BCCIP: variants seen among roughly 807,000 people sequenced by gnomAD.
BCCIP encodes BRCA2 and CDKN1A-interacting protein.
A neutral mutation model predicts 32.8 loss-of-function variants in BCCIP; 23 were observed. The observed-to-expected ratio is 0.70, with a 90% CI of 0.51 to 0.99. The LOEUF (loss-of-function observed/expected upper bound fraction) is 0.99, where lower values mean the gene tolerates loss of function less well. Among genes scored for constraint, BCCIP ranks in the 50% least tolerant of loss-of-function variants. The probability of loss-of-function intolerance (pLI) is 0.00; values close to 1 mark genes in which losing one functional copy is unlikely to be tolerated. For synonymous variants in BCCIP, 144 were observed against 137.6 expected (o/e 1.05, Z -0.33); for missense variants, 378 against 379.8 (o/e 1.00, Z 0.04).
chr10:125,848,423 A>G (rs2134038269), intron 7 of BCCIP, among the ~76,000 whole-genome samples: 1 of 152,350 alleles, frequency 6.6e-6, no homozygotes, highest in South Asian at 2.1e-4. Context: ...ACTCTACCCT[A>G]ATTTTACAGA....
chr10:125,825,091 C>T (rs1854350944), intron 1 of BCCIP, among the ~76,000 whole-genome samples: 1 of 152,222 alleles, frequency 6.6e-6, no homozygotes, highest in African/African-American at 2.4e-5. Context: ...TCTTTTATTA[C>T]TTTTGGGTTA....
downstream of BCCIP, among the ~76,000 whole-genome samples, chr10:125,838,843 T>A (rs955969706): frequency 2.6e-5 from 4 of 152,204 alleles, no homozygotes; most frequent in Non-Finnish European, 4.4e-5. Flanking sequence ...TTTATTCCCT[T>A]GAGGGGAAGG....
chr10:125,827,529 A>G, intron 2 of BCCIP, 29 bp from the exon 3 acceptor site: 1 of 1,417,918 alleles, frequency 7.1e-7, no homozygotes. Context: ...CTTTGATCTT[A>G]ATTTAAAATA....
At chr10:125,841,695 C>T (rs774237813) in exon 7 of BCCIP, 2 of 1,587,656 alleles carry the variant, frequency 1.3e-6, no homozygotes, top group Non-Finnish European at 8.5e-7. Context: ...TAAATCTATA[C>T]CTAGTGCAGA....
chr10:125,835,099 C>T (rs528804354), intron 6 of BCCIP, among the ~76,000 whole-genome samples: 1 of 151,694 alleles, frequency 6.6e-6, no homozygotes, highest in Non-Finnish European at 1.5e-5. Context: ...CGCCACTGCA[C>T]TCCAGCCTGG....
chr10:125,849,038 A>C (rs1280218772), intron 7 of BCCIP, among the ~76,000 whole-genome samples: 5 of 152,172 alleles, frequency 3.3e-5, no homozygotes, highest in Admixed American at 3.3e-4. Flanking sequence ...CATCTACCCC[A>C]GTTTACCCAG....
intron 1 of BCCIP, 63 bp downstream of exon 1, chr10:125,823,785 CTG>C (rs1854254544): frequency 2.5e-6 from 4 of 1,589,750 alleles, no homozygotes; most frequent in Non-Finnish European, 3.4e-6. Flanking sequence ...CAAGCCCAGG[CTG>C]TGTAAAAATA....
Position 125,831,569 on chromosome 10 carries a change from C to T in BCCIP, c.561C>T (p.Val187=). 6.2e-7 allele frequency: 1 copy of T among 1,614,160 alleles called. No homozygotes were observed. ...GLLLSERFIN[V]PPQIALPMYQ... is the part of the protein sequence containing the mutation. The stretch of plus-strand genomic sequence containing the variant: ...TCCTAAGTGAAAGATTCATTAATGT[C>T]CCTCCACAGATCGCTCTGCCCATGT... The change falls in exon 5 of 7, where the codon GTC becomes GTT. Residue 187 remains valine (V), a synonymous_variant. Transcript: ENST00000278100.
intron 7 of BCCIP, among the ~76,000 whole-genome samples, chr10:125,849,187 G>C (rs1218230097): frequency 6.6e-6 from 1 of 152,144 alleles, no homozygotes; most frequent in South Asian, 2.1e-4. Context: ...TTAAATTGCT[G>C]TTTTGTTTTG....
intron 5 of BCCIP, 90 bp downstream of exon 5, chr10:125,831,697 A>T: frequency 7.7e-7 from 1 of 1,307,006 alleles, no homozygotes; most frequent in Non-Finnish European, 1.1e-6. Context: ...GTAGATATAG[A>T]AAGAGTTCTG....
chr10:125,852,445 A>G (rs1267004398), intron 7 of BCCIP: 1 of 1,613,810 alleles, frequency 6.2e-7, no homozygotes, highest in Non-Finnish European at 8.5e-7. Flanking sequence ...CAGGCAGAAA[A>G]ATTTTCCTAA....
chr10:125,846,294 C>T (rs970398077), downstream of BCCIP, among the ~76,000 whole-genome samples: 1 of 152,114 alleles, frequency 6.6e-6, no homozygotes, highest in African/African-American at 2.4e-5. Flanking sequence ...CAAGAGTTGG[C>T]ACTGTAGTTA....
intron 7 of BCCIP, chr10:125,853,114 T>A: frequency 1.3e-6 from 2 of 1,585,086 alleles, no homozygotes; most frequent in East Asian, 4.5e-5. Flanking sequence ...TAACAATGAT[T>A]TTCCTTACAG....
At chr10:125,842,867 T>C, downstream of BCCIP, 7 of 742,424 alleles carry the variant, frequency 9.4e-6, no homozygotes, top group Non-Finnish European at 1.2e-5. Flanking sequence ...TGTGGTATTA[T>C]ATATGCTCAG....
chr10:125,836,227 A>C lies in BCCIP; in HGVS notation c.898A>C (p.Lys300Gln), dbSNP rs2134017417. 6.2e-7 allele frequency: 1 copy of C among 1,614,204 alleles called. No homozygotes were observed. Among genetic ancestry groups the C allele is most frequent in the South Asian group, 1.1e-5 (1 of 91,088 alleles). The change falls in exon 7 of 7, where the codon AAG becomes CAG. Residue 300 changes from lysine to glutamine, a missense_variant. Coordinates refer to ENST00000278100, the MANE Select transcript of BCCIP (RefSeq NM_078468.3). ...AACTGTGATGTTAATTCCAGGCGAC[A>C]AGATGAACGAAATCATGGATAAACT... is the stretch of plus-strand genomic sequence containing the variant. ...LRTVMLIPGD[K>Q]MNEIMDKLKE...
intron 7 of BCCIP, among the ~76,000 whole-genome samples, chr10:125,850,255 G>C (rs1944072911): frequency 6.6e-6 from 1 of 151,614 alleles, no homozygotes; most frequent in Non-Finnish European, 1.5e-5. Context: ...CAGGATTACA[G>C]GTGTGAGCCA....
In BCCIP at chr10:125,833,877, A is replaced by G; in HGVS notation, c.705A>G (p.Lys235=). 6.2e-7 allele frequency: 1 copy of G among 1,614,266 alleles called. No homozygotes were observed. Among genetic ancestry groups the G allele is most frequent in the Non-Finnish European group, 8.5e-7 (1 of 1,180,048 alleles). The change falls in exon 6 of 7, where the codon AAA becomes AAG. Residue 235 remains lysine, a synonymous_variant. Transcript: ENST00000278100. ...TFVEAGKNNS[K]KKPSNKKKAA... ...TGGAAGCAGGAAAAAACAATTCCAA[A>G]AAGAAACCTAGCAACAAAAAGAAAG...
At chr10:125,829,706 G>A (rs142634205) in intron 3 of BCCIP, among the ~76,000 whole-genome samples, 1 of 152,344 alleles carries the variant, frequency 6.6e-6, no homozygotes, top group African/African-American at 2.4e-5. Flanking sequence ...ATGGGAAAAA[G>A]CAGACCACCT....
chr10:125,842,026 A>G, exon 7 of BCCIP: 5 of 1,385,380 alleles, frequency 3.6e-6, no homozygotes, highest in Non-Finnish European at 4.7e-6. Flanking sequence ...TGAAACAAGC[A>G]AACAATGGAC....
Sources: gnomAD v4.1 joint callset for allele counts (sites outside exome capture counted in the v4.1 genomes callset) on GRCh38, gnomAD v4.1.1 for gene constraint, MANE v1.5 for transcripts, NCBI Gene and HGNC (gene_info 2026-07-23, HGNC 2026-07-21) for gene names.